METTL2B: variants seen among roughly 807,000 people sequenced by gnomAD.
The protein encoded by METTL2B is methyltransferase 2B, tRNA N3-cytidine.
A neutral mutation model predicts 51.0 loss-of-function variants in METTL2B; 28 were observed. That is an observed-to-expected ratio of 0.55 (90% CI 0.41 to 0.75). The LOEUF is 0.75. Ranked by LOEUF, METTL2B falls within the 30% of genes least tolerant of loss-of-function variation. The probability of loss-of-function intolerance (pLI) is 0.00; values close to 1 mark genes in which losing one functional copy is unlikely to be tolerated. For missense variants in METTL2B, 313 were observed against 460.7 expected (o/e 0.68, Z 2.93); for synonymous variants, 128 against 166.3 (o/e 0.77, Z 1.77).
intron 5 of METTL2B, chr7:128,488,487 A>G (rs1392325045): frequency 2.0e-6 from 1 of 511,894 alleles, no homozygotes; most frequent in Non-Finnish European, 3.9e-6. Context: ...AGACTTTTTT[A>G]CTATTATGTA....
At position 128,488,153 on chromosome 7, in the gene METTL2B, C is replaced by G. The variant is rs1331872957; in HGVS notation, c.661C>G (p.Leu221Val). Reference protein sequence around the residue: ...CCDFSSTAIELVQTNSEYDPS... With the variant: ...CCDFSSTAIEVVQTNSEYDPS... ...TGATTTTTCTTCCACAGCTATAGAACTGGTCCAGGTGAGTACGATGGGAAA... is the reference window on the plus strand; with the variant it reads ...TGATTTTTCTTCCACAGCTATAGAAGTGGTCCAGGTGAGTACGATGGGAAA... The change falls in exon 5 of 9, where the codon CTG (leucine) becomes GTG (valine). Residue 221 changes from leucine (L) to valine (V), a missense_variant. Transcript: ENST00000262432. 6.2e-7 allele frequency: 1 copy of G among 1,613,226 alleles called. No individual in the cohort carries two copies. The highest frequency in any genetic ancestry group is 1.1e-5 in the South Asian group (1 of 90,982).
Position 128,484,312 on chromosome 7 carries a change from C to T in METTL2B, c.608+3616C>T, listed in dbSNP as rs969964144. Among the ~76,000 whole-genome samples, 4 of 135,728 alleles carry T rather than the reference C, an allele frequency of 2.9e-5. No individual in the cohort carries two copies. The Admixed American group carries it at 3.2e-4, about 11-fold the overall frequency. The allele number at this position is 135,728 out of a possible 152,430, so 89.0% of individuals were successfully genotyped here. On this transcript the variant is annotated intron_variant, in intron 4 of 8. Coordinates refer to ENST00000262432, the MANE Select transcript of METTL2B (RefSeq NM_018396.3). The stretch of plus-strand genomic sequence containing the variant: ...CATCACAGCTCACTGTAGCTTCAAC[C>T]TTCCAGGGTTCAGGTGATCCTCCCA...
intron 7 of METTL2B, among the ~76,000 whole-genome samples, chr7:128,498,835 C>G (rs1371062421): frequency 1.3e-5 from 2 of 151,990 alleles, no homozygotes; most frequent in Non-Finnish European, 2.9e-5. Flanking sequence ...CCTGTCTCTA[C>G]TAAAAATACA....
In METTL2B at chr7:128,476,848, C is replaced by T. The variant is rs781683949; in HGVS notation, c.83C>T (p.Pro28Leu). ...QQFGSRFLSD[P>L]ARVFHHNAWD... Reference sequence around the variant, plus strand: ...TTCGGAAGCCGGTTCCTGAGCGATCCGGCGCGCGTCTTCCACCACAATGCC... The same window carrying T: ...TTCGGAAGCCGGTTCCTGAGCGATCTGGCGCGCGTCTTCCACCACAATGCC... Residue 28 changes from proline (P) to leucine (L), a missense_variant, in exon 1 of 9, where the codon CCG becomes CTG. Physicochemically the swap from Pro to Leu is moderately conservative, Grantham distance 98. This residue lies in a region of METTL2B where 66 missense variants were observed against 58.2 expected (regional missense o/e 1.13). Transcript: ENST00000262432. 3.1e-6 allele frequency: 5 copies of T among 1,614,082 alleles called. No individual in the cohort carries two copies. The highest frequency in any genetic ancestry group is 1.7e-5 in the Admixed American group (1 of 60,000).
intron 6 of METTL2B, among the ~76,000 whole-genome samples, chr7:128,497,434 A>G (rs1159798417): frequency 1.3e-5 from 2 of 152,176 alleles, no homozygotes; most frequent in African/African-American, 2.4e-5. Context: ...ATGGCTATCT[A>G]GGACAGTGGG....
chr7:128,491,230 G>A (rs2116856940), intron 5 of METTL2B, among the ~76,000 whole-genome samples: 1 of 151,886 alleles, frequency 6.6e-6, no homozygotes, highest in Non-Finnish European at 1.5e-5. Context: ...GCTGAGGTGG[G>A]CAGATCACTT....
At chr7:128,480,347 G>T (rs1219018674) in intron 3 of METTL2B, among the ~76,000 whole-genome samples, 1 of 152,174 alleles carries the variant, frequency 6.6e-6, no homozygotes, top group Non-Finnish European at 1.5e-5. Flanking sequence ...TATAAGCTTA[G>T]TAAGAAAATA....
chr7:128,484,249 A>C (rs2116847589), intron 4 of METTL2B: 1 of 11,924 alleles, frequency 8.4e-5, no homozygotes, highest in Admixed American at 8.4e-4. Flanking sequence ...TTTTTTTGAG[A>C]CAGGATTTCT....
chr7:128,484,234 T>TGTTTTTGTTTTTGTTTTTG (rs200444587), intron 4 of METTL2B: 1 of 127,214 alleles, frequency 7.9e-6, no homozygotes, highest in African/African-American at 3.0e-5. Flanking sequence ...TTTTTTTTTT[T>TGTTTTTGTTTTTGTTTTTG]TTTTTTTTTT....
In METTL2B at chr7:128,502,012, C is replaced by T; in HGVS notation, c.*96C>T. On this transcript the variant is annotated 3_prime_UTR_variant, in exon 9 of 9. Transcript: ENST00000262432. ...CCGGGCATGGTGCATGCCTGTAATCCCAGCCACTCAGGAGGCTGAGGCAGG... is the reference window on the plus strand; with the variant it reads ...CCGGGCATGGTGCATGCCTGTAATCTCAGCCACTCAGGAGGCTGAGGCAGG... The T allele has an allele frequency of 6.5e-7, 1 of 1,536,324 alleles. No individual in the cohort carries two copies.
intron 3 of METTL2B, among the ~76,000 whole-genome samples, 181 bp downstream of exon 3, chr7:128,479,694 C>G (rs1799849296): frequency 1.3e-5 from 2 of 152,166 alleles, no homozygotes; most frequent in Non-Finnish European, 2.9e-5. Context: ...CAGTGCAGAC[C>G]AGATATCTGG....
At chr7:128,485,336 G>A (rs1215376349) in intron 4 of METTL2B, among the ~76,000 whole-genome samples, 1 of 152,004 alleles carries the variant, frequency 6.6e-6, no homozygotes, top group Non-Finnish European at 1.5e-5. Flanking sequence ...AGTTCAAGAC[G>A]AGCCTGAACA....
chr7:128,479,379 A>G lies in METTL2B; in HGVS notation c.424A>G (p.Lys142Glu), dbSNP rs542722736. Residue 142 changes from lysine to glutamate, a missense_variant, in exon 3 of 9, where the codon AAG (lysine) becomes GAG (glutamate). Transcript: ENST00000262432. ...TGGTTTAATAATGGAAGAACAGCACAAGTGTTCTTCGAAGAGCCTTGAACA... is the reference window on the plus strand; with the variant it reads ...TGGTTTAATAATGGAAGAACAGCACGAGTGTTCTTCGAAGAGCCTTGAACA... ...GPGLIMEEQH[K>E]CSSKSLEHKT... 3.7e-4 allele frequency: 605 copies of G among 1,614,264 alleles called. No individual in the cohort carries two copies. The East Asian group carries it at 0.013, about 36-fold the overall frequency.
At chr7:128,500,797 G>C in intron 7 of METTL2B, 106 bp from the exon 8 acceptor site, 1 of 1,286,094 alleles carries the variant, frequency 7.8e-7, no homozygotes, top group Non-Finnish European at 1.1e-6. Flanking sequence ...ACTGAGGCAG[G>C]AGTGCTCTCC....
rs139684664 is a variant in METTL2B at position 128,493,889 on chromosome 7, G to A, written c.755G>A (p.Gly252Asp). The change falls in exon 6 of 9, where the codon GGC (glycine) becomes GAC (aspartate). Residue 252 changes from glycine to aspartate, a missense_variant. Around this residue, in one of 4 missense-constraint regions of METTL2B, gnomAD observed 138 missense variants for 187.6 expected, o/e 0.74. Coordinates refer to ENST00000262432, the MANE Select transcript of METTL2B (RefSeq NM_018396.3). The stretch of plus-strand genomic sequence containing the variant: ...GAGAAGAGTTACCCAGTGCCCAAGG[G>A]CAGTCTTGATATTATCATTCTCATA... The part of the protein sequence containing the change: ...DEEKSYPVPK[G>D]SLDIIILIFV... 1.9e-6 allele frequency: 3 copies of A among 1,611,772 alleles called. No individual in the cohort carries two copies. The highest frequency in any genetic ancestry group is 1.3e-5 in the African/African-American group (1 of 74,658).
rs766337756 is a variant in METTL2B, at chr7:128,501,804, T to C, written c.1025T>C (p.Val342Ala). 4 of 1,614,144 alleles carry C rather than the reference T, an allele frequency of 2.5e-6. No individual in the cohort carries two copies. In the East Asian group the frequency reaches 8.9e-5, roughly 36 times the overall value. ...TLFTTAGLEK[V>A]QNLVDRRLQV... is the part of the protein sequence containing the mutation. Reference sequence around the variant, plus strand: ...TTCACCACTGCTGGACTGGAAAAAGTTCAGAATCTGGTGGACCGCCGACTG... The same window carrying C: ...TTCACCACTGCTGGACTGGAAAAAGCTCAGAATCTGGTGGACCGCCGACTG... The change falls in exon 9 of 9, where the codon GTT (valine) becomes GCT (alanine). Residue 342 changes from valine to alanine, a missense_variant. By Grantham distance (64) the Val-to-Ala change is moderately conservative (BLOSUM62 0). This residue lies in a region of METTL2B where 138 missense variants were observed against 187.6 expected (regional missense o/e 0.74). Transcript: ENST00000262432.
At chr7:128,501,128 C>A (rs1286846230) in intron 8 of METTL2B, 160 bp downstream of exon 8, 1 of 985,350 alleles carries the variant, frequency 1.0e-6, no homozygotes, top group Non-Finnish European at 1.2e-6. Context: ...GCTAGGCTAC[C>A]CATGGCAGCC....
At chr7:128,490,938 G>A (rs568848988) in intron 5 of METTL2B, among the ~76,000 whole-genome samples, 27 of 151,226 alleles carry the variant, frequency 1.8e-4, no homozygotes, top group East Asian at 5.9e-4. Context: ...CACGGCCAGC[G>A]GATCATGAGG....
rs1301369783 is a variant in METTL2B, at chr7:128,500,968, G to A, written c.982G>A (p.Glu328Lys). Residue 328 changes from glutamate (E) to lysine (K), a missense_variant and splice_region_variant, in exon 8 of 9, where the codon GAG becomes AAG. Glu to Lys is a moderately conservative substitution (Grantham distance 56). Around this residue, in one of 4 missense-constraint regions of METTL2B, gnomAD observed 138 missense variants for 187.6 expected, o/e 0.74. Transcript: ENST00000262432. Reference sequence around the variant, plus strand: ...AACCAGAGTTTACTTCTTCACACAAGGTATGAAACACTCATCTTTTTACGC... The same window carrying A: ...AACCAGAGTTTACTTCTTCACACAAAGTATGAAACACTCATCTTTTTACGC... ...DGTRVYFFTQEELDTLFTTAG... is the reference protein window; with the variant it reads ...DGTRVYFFTQKELDTLFTTAG... 1.1e-5 allele frequency: 17 copies of A among 1,613,974 alleles called. No homozygotes were observed. Among genetic ancestry groups the A allele is most frequent in the African/African-American group, 5.3e-5 (4 of 74,916 alleles).
Sources: gnomAD v4.1 joint callset for allele counts (sites outside exome capture counted in the v4.1 genomes callset) on GRCh38, gnomAD v4.1.1 for gene constraint, gnomAD v4.1.1 regional missense constraint, MANE v1.5 for transcripts, NCBI Gene and HGNC (gene_info 2026-07-23, HGNC 2026-07-21) for gene names.